The following ROBO1 variants were observed in gnomAD, a reference collection of about 807,000 sequenced individuals.
ROBO1 encodes roundabout homolog 1.
ROBO1 carries 149 observed loss-of-function variants against 195.9 expected under a neutral mutation model. The observed-to-expected ratio is 0.76, with a 90% CI of 0.67 to 0.87. ROBO1 has a LOEUF of 0.87. Among genes scored for constraint, ROBO1 ranks in the 40% least tolerant of loss-of-function variants. The pLI is 0.00. For missense variants in ROBO1, 1,933 were observed against 2,068.3 expected (o/e 0.93, Z 1.27); for synonymous variants, 816 against 733.2 (o/e 1.11, Z -1.82).
intron 4 of ROBO1, among the ~76,000 whole-genome samples, chr3:78,766,554 C>T (rs1184264104): frequency 6.6e-6 from 1 of 152,046 alleles, no homozygotes; most frequent in African/African-American, 2.4e-5. Flanking sequence ...ACAATCATAT[C>T]CTCAGCAAAC....
chr3:79,026,726 T>C (rs1476437218), intron 3 of ROBO1, among the ~76,000 whole-genome samples: 1 of 152,070 alleles, frequency 6.6e-6, no homozygotes, highest in Admixed American at 6.5e-5. Flanking sequence ...AAACATATAC[T>C]ATTCTAATCA....
At chr3:79,565,561 T>C (rs1943063429) in intron 2 of ROBO1, among the ~76,000 whole-genome samples, 1 of 151,976 alleles carries the variant, frequency 6.6e-6, no homozygotes, top group African/African-American at 2.4e-5. Context: ...TCTCAGTCAA[T>C]ACATCTTGAA....
At position 79,573,382 on chromosome 3, in the gene ROBO1, T is replaced by C. The variant is rs1463573513; in HGVS notation, c.88+16442A>G. On this transcript the variant is annotated intron_variant, in intron 2 of 30. Transcript: ENST00000464233. ...GAGTAAAATCAGTGTAGAAAACAAA[T>C]AGTGAGTGCTCAATAAATGGAATTT... Among the ~76,000 whole-genome samples, 6 of 152,094 alleles carry C rather than the reference T, an allele frequency of 3.9e-5. No homozygotes were observed. In the East Asian group the frequency reaches 7.7e-4, roughly 20 times the overall value.
chr3:79,570,602 T>G (rs1206439867), intron 2 of ROBO1, among the ~76,000 whole-genome samples: 2 of 152,128 alleles, frequency 1.3e-5, no homozygotes, highest in Non-Finnish European at 2.9e-5. Flanking sequence ...ATTGTAAAAA[T>G]GTCATAGTAG....
intron 2 of ROBO1, among the ~76,000 whole-genome samples, chr3:79,148,477 T>C (rs1346875391): frequency 6.6e-6 from 1 of 151,758 alleles, no homozygotes; most frequent in African/African-American, 2.4e-5. Context: ...AGCAGTAAGA[T>C]ATAAGCCTGG....
chr3:78,673,562 T>TTATATATATATATATATATATATA (rs1166250669), intron 10 of ROBO1, among the ~76,000 whole-genome samples: 1 of 63,366 alleles, frequency 1.6e-5, no homozygotes, highest in African/African-American at 5.2e-5. Flanking sequence ...TACATATATT[T>TTATATATATATATATATATATATA]TATATATATA....
At chr3:79,158,370 T>G (rs2108656972) in intron 2 of ROBO1, among the ~76,000 whole-genome samples, 1 of 151,582 alleles carries the variant, frequency 6.6e-6, no homozygotes, top group African/African-American at 2.4e-5. Flanking sequence ...TTTTCTGTAA[T>G]GTATGTCTCA....
intron 4 of ROBO1, among the ~76,000 whole-genome samples, chr3:78,834,996 C>G (rs553321106): frequency 4.7e-4 from 72 of 152,052 alleles, no homozygotes; most frequent in Non-Finnish European, 9.9e-4. Flanking sequence ...CCTTTAATAA[C>G]AATACATTTA....
At chr3:78,760,108 T>C (rs1477493783) in intron 4 of ROBO1, among the ~76,000 whole-genome samples, 1 of 152,114 alleles carries the variant, frequency 6.6e-6, no homozygotes, top group Non-Finnish European at 1.5e-5. Context: ...TGGGGAAACC[T>C]CTTGCGCTTG....
chr3:79,767,312 G>A (rs1043123450), intron 1 of ROBO1, among the ~76,000 whole-genome samples: 3 of 152,038 alleles, frequency 2.0e-5, no homozygotes, highest in East Asian at 1.9e-4. Flanking sequence ...CCACTACACC[G>A]CTGATGCTCG....
chr3:79,759,186 G>C (rs763608509), intron 1 of ROBO1, among the ~76,000 whole-genome samples: 1 of 152,146 alleles, frequency 6.6e-6, no homozygotes, highest in Non-Finnish European at 1.5e-5. Flanking sequence ...CTATGACTGC[G>C]TATAAGTAAG....
chr3:79,453,623 A>G (rs1271487231), intron 2 of ROBO1, among the ~76,000 whole-genome samples: 1 of 152,110 alleles, frequency 6.6e-6, no homozygotes, highest in Admixed American at 6.6e-5. Flanking sequence ...GGAGTTGTTC[A>G]TAATTCTAAC....
intron 2 of ROBO1, among the ~76,000 whole-genome samples, chr3:79,203,888 C>A (rs2081814962): frequency 6.6e-6 from 1 of 152,118 alleles, no homozygotes; most frequent in African/African-American, 2.4e-5. Context: ...TATTCCCATT[C>A]TGCATTCCCT....
At chr3:78,859,777 G>A (rs2034673710) in intron 4 of ROBO1, among the ~76,000 whole-genome samples, 1 of 152,100 alleles carries the variant, frequency 6.6e-6, no homozygotes, top group African/African-American at 2.4e-5. Flanking sequence ...GTCAGCTTAA[G>A]TGCATTTCAA....
At chr3:79,278,695 T>A (rs2031262404) in intron 2 of ROBO1, among the ~76,000 whole-genome samples, 1 of 152,100 alleles carries the variant, frequency 6.6e-6, no homozygotes, top group Non-Finnish European at 1.5e-5. Flanking sequence ...CAACTGAAAG[T>A]GGATCAAAGA....
intron 2 of ROBO1, among the ~76,000 whole-genome samples, chr3:79,200,921 T>A (rs878899126): frequency 1.4e-4 from 21 of 151,996 alleles, no homozygotes; most frequent in African/African-American, 4.8e-4. Flanking sequence ...TTTGTTAAAT[T>A]ATGTCTTTGC....
intron 4 of ROBO1, among the ~76,000 whole-genome samples, chr3:78,823,228 G>C (rs2031204179): frequency 6.8e-6 from 1 of 147,728 alleles, no homozygotes; most frequent in Admixed American, 6.7e-5. Flanking sequence ...TTCAGCTCTT[G>C]GGATGCTCTT....
At chr3:79,000,046 A>C (rs963765655) in intron 3 of ROBO1, among the ~76,000 whole-genome samples, 1 of 152,114 alleles carries the variant, frequency 6.6e-6, no homozygotes, top group African/African-American at 2.4e-5. Context: ...GAACTGTATT[A>C]ATTCGTTCCC....
chr3:79,730,768 CTTTTTTTTTTTTT>C (rs66527491), intron 1 of ROBO1, among the ~76,000 whole-genome samples: 4 of 95,514 alleles, frequency 4.2e-5, no homozygotes, highest in Admixed American at 1.3e-4. Context: ...CCTGTATTTC[CTTTTTTTTTTTTT>C]TTTTTTTTTT....
Sources: allele counts gnomAD v4.1 joint callset (sites outside exome capture counted in the v4.1 genomes callset), GRCh38; gene constraint gnomAD v4.1.1; transcripts MANE v1.5; gene names NCBI Gene and HGNC (gene_info 2026-07-23, HGNC 2026-07-21).